Variants in OR8B2 observed in about 807,000 individuals in gnomAD.
OR8B2 encodes the protein olfactory receptor 8B2.
For synonymous variants in OR8B2, 98 were observed against 138.2 expected (o/e 0.71, Z 2.04); for missense variants, 304 against 379.6 (o/e 0.80, Z 1.65).
rs770274036 is a variant in OR8B2 at position 124,382,864 on chromosome 11, G to A, written c.480C>T (p.Thr160=). The stretch of plus-strand genomic sequence containing the variant: ...AGAAGGTGAGTCTAAGCATGCACCC[G>A]GTGTGGGCCGTGGCTCCAGCCAATC... ...IMGLAGATAH[T]GCMLRLTFCS... Residue 160 remains threonine, a synonymous_variant, in exon 2 of 2, where the codon ACC becomes ACT. Transcript: ENST00000641451. 1.4e-5 allele frequency: 22 copies of A among 1,601,446 alleles called. No individual in the cohort carries two copies. The highest frequency in any genetic ancestry group is 9.0e-5 in the East Asian group (4 of 44,602).
upstream of OR8B2, among the ~76,000 whole-genome samples, chr11:124,389,079 C>T (rs1298193216): frequency 1.3e-5 from 2 of 152,086 alleles, no homozygotes; most frequent in African/African-American, 2.4e-5. Flanking sequence ...CTGCCTCGGC[C>T]TCCCAAGGTG....
At chr11:124,389,196 A>G (rs1331816685), upstream of OR8B2, among the ~76,000 whole-genome samples, 3 of 152,166 alleles carry the variant, frequency 2.0e-5, no homozygotes, top group African/African-American at 7.2e-5. Flanking sequence ...TATCTCACAT[A>G]TAAGAAATCC....
upstream of OR8B2, among the ~76,000 whole-genome samples, chr11:124,387,630 G>A (rs1403326412): frequency 6.7e-6 from 1 of 148,616 alleles, no homozygotes; most frequent in East Asian, 2.0e-4. Flanking sequence ...CTCTGTTTTG[G>A]TACCCGTACC....
upstream of OR8B2, among the ~76,000 whole-genome samples, chr11:124,384,642 G>A (rs982851645): frequency 8.6e-5 from 13 of 152,012 alleles, no homozygotes; most frequent in African/African-American, 1.7e-4. Context: ...CATGTCCACC[G>A]TCATAGAGAC....
the OR8B2 span, among the ~76,000 whole-genome samples, chr11:124,393,474 A>C: frequency 8.6e-6 from 1 of 116,352 alleles, no homozygotes; most frequent in African/African-American, 4.1e-5. Context: ...ACACTTCTCA[A>C]AAGAAGACAT....
Position 124,382,726 on chromosome 11 carries a change from A to T in OR8B2, c.618T>A (p.Asn206Lys), listed in dbSNP as rs751357658. Residue 206 changes from asparagine (N) to lysine (K), a missense_variant, in exon 2 of 2, where the codon AAT becomes AAA. By Grantham distance (94) the Asn-to-Lys change is moderately conservative. Coordinates refer to ENST00000641451, the MANE Select transcript of OR8B2 (RefSeq NM_001005468.2). ...GGATGGTACAACTGGGTACCGTGAT[A>T]TTAGTACCCACAACAATGAGAACAA... is the stretch of plus-strand genomic sequence containing the variant. Reference protein sequence around the residue: ...EVVVLIVVGTNITVPSCTILI... With the variant: ...EVVVLIVVGTKITVPSCTILI... 2 of 1,613,944 alleles carry T rather than the reference A, an allele frequency of 1.2e-6. No homozygotes were observed. Among genetic ancestry groups the T allele is most frequent in the Non-Finnish European group, 1.7e-6 (2 of 1,179,850 alleles).
chr11:124,397,225 G>C, the OR8B2 span: 1 of 1,608,504 alleles, frequency 6.2e-7, no homozygotes, highest in Non-Finnish European at 8.5e-7. Context: ...ATCAAGCCAA[G>C]GTTGCCTACC....
At chr11:124,389,956 T>C in the OR8B2 span, among the ~76,000 whole-genome samples, 1 of 151,682 alleles carries the variant, frequency 6.6e-6, no homozygotes, top group African/African-American at 2.4e-5. Context: ...TAATAAAGTG[T>C]GGAAAATAGC....
At chr11:124,388,367 G>T (rs1860733137), upstream of OR8B2, among the ~76,000 whole-genome samples, 1 of 151,962 alleles carries the variant, frequency 6.6e-6, no homozygotes, top group African/African-American at 2.4e-5. Flanking sequence ...TCCAGTTTTT[G>T]TCCATTCAGT....
upstream of OR8B2, among the ~76,000 whole-genome samples, chr11:124,388,193 T>G (rs1160561597): frequency 8.6e-5 from 13 of 151,390 alleles, no homozygotes; most frequent in South Asian, 2.1e-4. Context: ...TATACAATCA[T>G]GTCATCTGCA....
At chr11:124,389,985 T>C in the OR8B2 span, among the ~76,000 whole-genome samples, 7 of 151,922 alleles carry the variant, frequency 4.6e-5, no homozygotes, top group Non-Finnish European at 1.0e-4. Context: ...CCAGAACTCG[T>C]GGAAAAATAG....
At chr11:124,390,728 AATAG>A in the OR8B2 span, among the ~76,000 whole-genome samples, 2 of 151,392 alleles carry the variant, frequency 1.3e-5, no homozygotes, top group East Asian at 2.0e-4. Flanking sequence ...TTTTCTGATA[AATAG>A]ATAATCTCAT....
upstream of OR8B2, among the ~76,000 whole-genome samples, chr11:124,385,553 A>T (rs80261466): frequency 3.5e-4 from 47 of 135,588 alleles, 1 homozygote; most frequent in East Asian, 3.9e-3. Flanking sequence ...TATGCAGTTG[A>T]ATCCTATGTA....
At chr11:124,389,239 T>C (rs145034713), upstream of OR8B2, among the ~76,000 whole-genome samples, 772 of 152,292 alleles carry the variant, frequency 5.1e-3, 5 homozygotes, top group African/African-American at 0.017. Context: ...TGTTTCAAAG[T>C]CAAAATGCAT....
chr11:124,394,432 C>A, the OR8B2 span, among the ~76,000 whole-genome samples: 1 of 152,006 alleles, frequency 6.6e-6, no homozygotes, highest in South Asian at 2.1e-4. Flanking sequence ...GTGATGAAGG[C>A]CTCAGACCAG....
At chr11:124,383,651 C>T (rs1317359308) in intron 1 of OR8B2, among the ~76,000 whole-genome samples, 4 of 152,184 alleles carry the variant, frequency 2.6e-5, no homozygotes, top group Non-Finnish European at 2.9e-5. Context: ...GGATGTGTCT[C>T]ATCTCCCTCA....
upstream of OR8B2, among the ~76,000 whole-genome samples, chr11:124,386,205 T>C (rs1043175929): frequency 6.6e-6 from 1 of 151,858 alleles, no homozygotes; most frequent in East Asian, 1.9e-4. Context: ...GAACACCATT[T>C]TTATTTTTAT....
At chr11:124,389,928 C>T in the OR8B2 span, among the ~76,000 whole-genome samples, 2 of 151,844 alleles carry the variant, frequency 1.3e-5, no homozygotes, top group East Asian at 3.9e-4. Flanking sequence ...AACATTGGCA[C>T]AGAGAAAATA....
At position 124,384,446 on chromosome 11, in the gene OR8B2, T is replaced by G. The variant is rs1439871683; in HGVS notation, c.-90A>C. The G allele has an allele frequency of 6.6e-6, 1 of 152,232 alleles. No homozygotes were observed. Among genetic ancestry groups the G allele is most frequent in the Non-Finnish European group, 1.5e-5 (1 of 68,052 alleles). The allele number at this position is 152,232 out of a possible 1,614,324, so 9.4% of individuals were successfully genotyped here. ...ACCTCCACTGCCCTGGAGGTAGAAC[T>G]GGTGGTGAAGGTATCTACGTTGACC... is the stretch of plus-strand genomic sequence containing the variant. On this transcript the variant is annotated 5_prime_UTR_variant, in exon 1 of 2. Coordinates refer to ENST00000641451, the MANE Select transcript of OR8B2 (RefSeq NM_001005468.2).
Sources: allele counts gnomAD v4.1 joint callset (sites outside exome capture counted in the v4.1 genomes callset), GRCh38; gene constraint gnomAD v4.1.1; transcripts MANE v1.5; gene names NCBI Gene and HGNC (gene_info 2026-07-23, HGNC 2026-07-21).